Variants in SLC23A3 observed in about 807,000 individuals in gnomAD.
The protein encoded by SLC23A3 is E2-binding protein 3.
A neutral mutation model predicts 64.7 loss-of-function variants in SLC23A3; 41 were observed. That is an observed-to-expected ratio of 0.63 (90% CI 0.49 to 0.82). The LOEUF (loss-of-function observed/expected upper bound fraction) is 0.82, where lower values mean the gene tolerates loss of function less well. SLC23A3 is among the 40% of genes least tolerant of loss of function. SLC23A3 has a pLI of 0.00. For missense variants in SLC23A3, 647 were observed against 733.4 expected (o/e 0.88, Z 1.36); for synonymous variants, 281 against 306.8 (o/e 0.92, Z 0.88).
intron 8 of SLC23A3, chr2:219,164,921 A>C: frequency 1.8e-6 from 1 of 540,560 alleles, no homozygotes; most frequent in Non-Finnish European, 3.2e-6. Flanking sequence ...GAAGTCCCCA[A>C]GAGAGCAGAA....
In SLC23A3 at chr2:219,169,200, G is replaced by A. The variant is rs1337239962; in HGVS notation, c.419-98C>T. On this transcript the variant is annotated intron_variant, in intron 3 of 11. Transcript: ENST00000409878. The surrounding 1 kb of genome is among the most constrained non-coding windows in gnomAD (Gnocchi z 4.5). Reference sequence around the variant, plus strand: ...CTGGCACAGGTCCAAGCCCCCTATAGTGTCACAGTCTCACCACTGCCCAAT... The same window carrying A: ...CTGGCACAGGTCCAAGCCCCCTATAATGTCACAGTCTCACCACTGCCCAAT... The A allele has an allele frequency of 1.9e-6, 3 of 1,606,990 alleles. No homozygotes were observed.
At chr2:219,164,980 A>G (rs946555365) in intron 8 of SLC23A3, 189 bp downstream of exon 8, 19 of 708,534 alleles carry the variant, frequency 2.7e-5, no homozygotes, top group Middle Eastern at 2.4e-4. Flanking sequence ...TGCCTCATGC[A>G]CAGGAGTTCC....
In SLC23A3 at chr2:219,162,370, A is replaced by G. The variant is rs1420135987; in HGVS notation, c.1466T>C (p.Leu489Pro). 1 of 1,613,922 alleles carries G rather than the reference A, an allele frequency of 6.2e-7. No homozygotes were observed. Among genetic ancestry groups the G allele is most frequent in the Non-Finnish European group, 8.5e-7 (1 of 1,179,968 alleles). The change falls in exon 11 of 12, where the codon CTG becomes CCG. Residue 489 changes from leucine (L) to proline (P), a missense_variant. Physicochemically the swap from Leu to Pro is moderately conservative, Grantham distance 98. Coordinates refer to ENST00000409878, the MANE Select transcript of SLC23A3 (RefSeq NM_001144889.2). ...STGWSPLDVLLHSLLTQPIFL... is the reference protein window; with the variant it reads ...STGWSPLDVLPHSLLTQPIFL... ...GATGGGCTGTGTCAGCAGTGAGTGC[A>G]GTAATACATCCAAGGGGCTCCAGCC...
Position 219,169,805 on chromosome 2 carries a change from T to A in SLC23A3, c.162+18A>T. ...CACACCATCAGGCAGCACCAACTCC[T>A]GCACCTCTGCCTCCTACCTGCAGAG... On this transcript the variant is annotated intron_variant, in intron 1 of 11. Transcript: ENST00000409878. This position sits in a 1 kb window ranked among gnomAD's most constrained non-coding sequence, Gnocchi z 4.5. 1 of 1,613,548 alleles carries A rather than the reference T, an allele frequency of 6.2e-7. No individual in the cohort carries two copies. The highest frequency in any genetic ancestry group is 1.1e-5 in the South Asian group (1 of 91,066).
intron 7 of SLC23A3, among the ~76,000 whole-genome samples, chr2:219,165,761 A>G (rs1437823164): frequency 6.6e-6 from 1 of 152,186 alleles, no homozygotes; most frequent in East Asian, 1.9e-4. Context: ...TGCAACTAGA[A>G]TGCGCTTCCC....
At chr2:219,164,090 G>T in intron 9 of SLC23A3, 143 bp downstream of exon 9, 1 of 635,890 alleles carries the variant, frequency 1.6e-6, no homozygotes, top group Non-Finnish European at 2.8e-6. Flanking sequence ...GCTGACACAT[G>T]CTCATATCCA....
rs762647586 is a variant in SLC23A3, at chr2:219,169,116, G to A, written c.419-14C>T. 1.2e-6 allele frequency: 2 copies of A among 1,613,570 alleles called. No homozygotes were observed. Among genetic ancestry groups the A allele is most frequent in the Non-Finnish European group, 1.7e-6 (2 of 1,179,536 alleles). Reference sequence around the variant, plus strand: ...GCATGAGGGAGGCTAGGAAAAGTTTGGGGCATGGAGAAGAGAAGGGTGAAT... The same window carrying A: ...GCATGAGGGAGGCTAGGAAAAGTTTAGGGCATGGAGAAGAGAAGGGTGAAT... On this transcript the variant is annotated splice_polypyrimidine_tract_variant and intron_variant, in intron 3 of 11. Coordinates refer to ENST00000409878, the MANE Select transcript of SLC23A3 (RefSeq NM_001144889.2). The surrounding 1 kb of genome is among the most constrained non-coding windows in gnomAD (Gnocchi z 4.5).
chr2:219,165,109 C>A (rs1171832313), intron 8 of SLC23A3, 60 bp downstream of exon 8: 17 of 1,528,698 alleles, frequency 1.1e-5, no homozygotes, highest in Admixed American at 4.4e-5. Flanking sequence ...GTGTAAGTTC[C>A]TGTCCTTCTT....
At chr2:219,165,570 G>T in intron 7 of SLC23A3, 148 bp from the exon 8 acceptor site, 1 of 998,118 alleles carries the variant, frequency 1.0e-6, no homozygotes, top group Non-Finnish European at 1.4e-6. Context: ...TAAGGAGAAA[G>T]ACCCATGCCT....
At chr2:219,163,338 C>T (rs771436458) in intron 10 of SLC23A3, 50 bp downstream of exon 10, 17 of 1,588,878 alleles carry the variant, frequency 1.1e-5, no homozygotes, top group Non-Finnish European at 1.4e-5. Context: ...CAGCCTGAAG[C>T]CTCAACTTGC....
At chr2:219,167,898 A>T (rs1423022646) in intron 7 of SLC23A3, 32 bp downstream of exon 7, 5 of 1,473,996 alleles carry the variant, frequency 3.4e-6, no homozygotes, top group Non-Finnish European at 4.6e-6. Context: ...CTTTATTTGA[A>T]CAAGAGAATG....
chr2:219,164,401 T>C, intron 8 of SLC23A3, 63 bp from the exon 9 acceptor site: 1 of 1,099,906 alleles, frequency 9.1e-7, no homozygotes. Flanking sequence ...GGTCTTTGCC[T>C]TACTGGTTCC....
In SLC23A3 at chr2:219,169,123, G is replaced by A. The variant is rs1488041774; in HGVS notation, c.419-21C>T. ...GGAGGCTAGGAAAAGTTTGGGGCAT[G>A]GAGAAGAGAAGGGTGAATGGAATGG... On this transcript the variant is annotated intron_variant, in intron 3 of 11. Coordinates refer to ENST00000409878, the MANE Select transcript of SLC23A3 (RefSeq NM_001144889.2). This position sits in a 1 kb window ranked among gnomAD's most constrained non-coding sequence, Gnocchi z 4.5. 1 of 1,612,804 alleles carries A rather than the reference G, an allele frequency of 6.2e-7. No individual in the cohort carries two copies. Among genetic ancestry groups the A allele is most frequent in the African/African-American group, 1.3e-5 (1 of 75,032 alleles).
chr2:219,163,921 C>G (rs1949975920), intron 9 of SLC23A3, among the ~76,000 whole-genome samples: 1 of 152,076 alleles, frequency 6.6e-6, no homozygotes, highest in Non-Finnish European at 1.5e-5. Context: ...AGGCTGATCT[C>G]GAACTCCTGA....
Position 219,168,655 on chromosome 2 carries a change from A to C in SLC23A3, c.671T>G (p.Leu224Trp). 2 of 1,613,576 alleles carry C rather than the reference A, an allele frequency of 1.2e-6. No homozygotes were observed. Among genetic ancestry groups the C allele is most frequent in the Non-Finnish European group, 1.7e-6 (2 of 1,179,802 alleles). ...ACGCCTCTCAGGACTCACGTACAGC[A>C]AGGCCAACCCCCAGTGTGTGAAGCA... is the stretch of plus-strand genomic sequence containing the variant. ...QFCFTHWGLA[L>W]LVILLMVVCS... The change falls in exon 5 of 12, where the codon TTG becomes TGG. Residue 224 changes from leucine to tryptophan, a missense_variant. Leu to Trp is a moderately conservative substitution (Grantham distance 61, BLOSUM62 -2). Coordinates refer to ENST00000409878, the MANE Select transcript of SLC23A3 (RefSeq NM_001144889.2).
rs142326026 is a variant in SLC23A3 at position 219,169,775 on chromosome 2, C to CCACA, written c.162+44_162+47dup. The CCACA allele has an allele frequency of 1.4e-4, 226 of 1,611,748 alleles. No homozygotes were observed. Among genetic ancestry groups the CCACA allele is most frequent in the Non-Finnish European group, 1.8e-4 (216 of 1,179,086 alleles). ...ACATGCCACATCTACACCTACTTCC[C>CCACA]CACACACACCATCAGGCAGCACCAA... On this transcript the variant is annotated intron_variant, in intron 1 of 11. Coordinates refer to ENST00000409878, the MANE Select transcript of SLC23A3 (RefSeq NM_001144889.2). This position sits in a 1 kb window ranked among gnomAD's most constrained non-coding sequence, Gnocchi z 4.5.
In SLC23A3 at chr2:219,168,434, C is replaced by A; in HGVS notation, c.675-116G>T. The A allele has an allele frequency of 1.2e-5, 16 of 1,303,406 alleles. No homozygotes were observed. In the South Asian group the frequency reaches 2.5e-4, roughly 20 times the overall value. The allele number at this position is 1,303,406 out of a possible 1,614,324, so 80.7% of individuals were successfully genotyped here. The stretch of plus-strand genomic sequence containing the variant: ...GGGGGTGATACCAGAGAAGGAAACT[C>A]CCATGGAAGGAATAGGAAGTGACCT... On this transcript the variant is annotated intron_variant, in intron 5 of 11. Transcript: ENST00000409878.
chr2:219,168,965 T>TG, intron 4 of SLC23A3, 64 bp downstream of exon 4: 1 of 1,571,508 alleles, frequency 6.4e-7, no homozygotes, highest in Non-Finnish European at 8.8e-7. Context: ...CTGTGCATAA[T>TG]GGAAACAAGA....
Position 219,164,235 on chromosome 2 carries a change from A to C in SLC23A3, c.1271T>G (p.Val424Gly), listed in dbSNP as rs752498149. The change falls in exon 9 of 12, where the codon GTT (valine) becomes GGT (glycine). Residue 424 changes from valine to glycine, a missense_variant and splice_region_variant. By Grantham distance (109) the Val-to-Gly change is moderately radical. Coordinates refer to ENST00000409878, the MANE Select transcript of SLC23A3 (RefSeq NM_001144889.2). The part of the protein sequence containing the change: ...QLLTTIPLPV[V>G]GGVLGVTQAV... ...GCCCTGTTGATACATCCACTCACCA[A>C]CAACAGGCAGTGGGATGGTGGTGAG... 11 of 1,603,160 alleles carry C rather than the reference A, an allele frequency of 6.9e-6. No homozygotes were observed. The highest frequency in any genetic ancestry group is 9.4e-6 in the Non-Finnish European group (11 of 1,173,594).
Sources: gnomAD v4.1 joint callset for allele counts (sites outside exome capture counted in the v4.1 genomes callset) on GRCh38, gnomAD v4.1.1 for gene constraint, Gnocchi (gnomAD v3.1) non-coding constraint, MANE v1.5 for transcripts, NCBI Gene and HGNC (gene_info 2026-07-23, HGNC 2026-07-21) for gene names.